Variants in DNAH14 observed in about 807,000 individuals in gnomAD.
DNAH14 encodes axonemal beta dynein heavy chain 14.
Under a neutral mutation model 520.9 loss-of-function variants are expected in DNAH14, and 478 were observed. The ratio of observed to expected loss-of-function variants is 0.92; its 90% CI spans 0.85 to 0.99. DNAH14 has a LOEUF of 0.99. DNAH14 is among the 50% of genes least tolerant of loss of function. The pLI is 0.00. For missense variants in DNAH14, 4,831 were observed against 5,234.5 expected (o/e 0.92, Z 2.38); for synonymous variants, 1,581 against 1,757.2 (o/e 0.90, Z 2.51).
chr1:225,262,746 G>A (rs2092977213), intron 46 of DNAH14, among the ~76,000 whole-genome samples: 1 of 151,958 alleles, frequency 6.6e-6, no homozygotes, highest in Non-Finnish European at 1.5e-5. Flanking sequence ...GATTACTATA[G>A]CCTTGTATTA....
chr1:225,082,409 C>T, intron 19 of DNAH14, 140 bp from the exon 20 acceptor site: 1 of 606,338 alleles, frequency 1.6e-6, no homozygotes, highest in Non-Finnish European at 2.7e-6. Context: ...CTCACTGCTT[C>T]ATGTTATTTT....
At chr1:225,365,719 A>G (rs1421873789) in intron 76 of DNAH14, among the ~76,000 whole-genome samples, 3 of 151,784 alleles carry the variant, frequency 2.0e-5, no homozygotes, top group Admixed American at 6.6e-5. Flanking sequence ...TGTCTCCCAG[A>G]GAGCAGCAGA....
intron 21 of DNAH14, among the ~76,000 whole-genome samples, 178 bp from the exon 22 acceptor site, chr1:225,096,940 T>C (rs2075034125): frequency 6.6e-6 from 1 of 152,194 alleles, no homozygotes; most frequent in African/African-American, 2.4e-5. Context: ...ACAGGACATC[T>C]TAAACCTCTC....
At position 225,153,897 on chromosome 1, in the gene DNAH14, G is replaced by A. The variant is rs568078843; in HGVS notation, c.5273+71G>A. ...CTGGGAAAATAATTTGTAGAATTAC[G>A]GGTGATGATGCCAAGTTAAAACAGG... On this transcript the variant is annotated intron_variant, in intron 34 of 85. Coordinates refer to ENST00000682510, the MANE Select transcript of DNAH14 (RefSeq NM_001367479.1). 44 of 1,182,778 alleles carry A rather than the reference G, an allele frequency of 3.7e-5. No individual in the cohort carries two copies. In the East Asian group the frequency reaches 6.1e-4, roughly 16 times the overall value. 73.3% of individuals were successfully genotyped at this position (1,182,778 alleles called of 1,614,324 possible).
At chr1:225,103,980 G>A (rs571507693) in intron 23 of DNAH14, among the ~76,000 whole-genome samples, 7 of 149,360 alleles carry the variant, frequency 4.7e-5, no homozygotes, top group Non-Finnish European at 4.4e-5. Flanking sequence ...GTTTTCAAAG[G>A]GAATGCTTCC....
At chr1:225,042,731 C>T in intron 12 of DNAH14, 104 bp from the exon 13 acceptor site, 2 of 1,234,484 alleles carry the variant, frequency 1.6e-6, no homozygotes, top group Non-Finnish European at 1.1e-6. Flanking sequence ...CTCGGTTATA[C>T]TGGAGTTATG....
At chr1:225,212,668 A>AT in intron 41 of DNAH14, among the ~76,000 whole-genome samples, 1 of 152,044 alleles carries the variant, frequency 6.6e-6, no homozygotes, top group Admixed American at 6.5e-5. Flanking sequence ...GATGATGAGC[A>AT]TTTTTTCATG....
intron 21 of DNAH14, among the ~76,000 whole-genome samples, chr1:225,096,795 C>T (rs1304290986): frequency 6.6e-6 from 1 of 152,006 alleles, no homozygotes; most frequent in Non-Finnish European, 1.5e-5. Flanking sequence ...GTTATGTTTC[C>T]TCTGTGATAA....
chr1:225,180,262 C>G (rs186027255), intron 36 of DNAH14, among the ~76,000 whole-genome samples: 2,323 of 152,294 alleles, frequency 0.015, 47 homozygotes, highest in East Asian at 0.053. Context: ...TCTTTTGATG[C>G]TGTTCCACAG....
chr1:224,955,232 T>G (rs1427956236), intron 3 of DNAH14, 134 bp downstream of exon 3: 1 of 933,962 alleles, frequency 1.1e-6, no homozygotes, highest in Non-Finnish European at 1.6e-6. Flanking sequence ...TTTACTAACT[T>G]CATTAGTTAT....
intron 23 of DNAH14, 34 bp from the exon 24 acceptor site, chr1:225,117,650 T>C (rs2076967485): frequency 1.6e-6 from 2 of 1,273,972 alleles, no homozygotes; most frequent in Non-Finnish European, 1.1e-6. Flanking sequence ...ATTAAGCATA[T>C]ATTCTGAATT....
At chr1:224,980,853 T>C (rs1440696719) in intron 8 of DNAH14, among the ~76,000 whole-genome samples, 1 of 152,176 alleles carries the variant, frequency 6.6e-6, no homozygotes, top group Admixed American at 6.5e-5. Flanking sequence ...TGTGGGGGGC[T>C]ATGGGAGGGA....
At chr1:225,388,603 T>C (rs2095868267) in intron 82 of DNAH14, 112 bp downstream of exon 82, 4 of 604,998 alleles carry the variant, frequency 6.6e-6, no homozygotes, top group Non-Finnish European at 1.1e-5. Context: ...AATGTGTGAA[T>C]TAAGCAAGGG....
chr1:225,308,489 A>AC, intron 60 of DNAH14, 79 bp downstream of exon 60: 1 of 1,398,482 alleles, frequency 7.2e-7, no homozygotes, highest in Non-Finnish European at 9.5e-7. Flanking sequence ...TAAAAGTCAG[A>AC]CTGACTAGTC....
At chr1:225,019,468 T>C (rs914604845) in intron 10 of DNAH14, among the ~76,000 whole-genome samples, 2 of 152,160 alleles carry the variant, frequency 1.3e-5, no homozygotes, top group African/African-American at 4.8e-5. Context: ...CACGCAATAA[T>C]AGTGGTGGAC....
chr1:224,967,696 G>T, intron 6 of DNAH14, 113 bp downstream of exon 6: 1 of 1,597,948 alleles, frequency 6.3e-7, no homozygotes, highest in Non-Finnish European at 8.5e-7. Flanking sequence ...TTGGTCATTT[G>T]TGGAGCAGTT....
At chr1:225,220,394 T>G (rs925697011) in intron 41 of DNAH14, among the ~76,000 whole-genome samples, 1 of 152,220 alleles carries the variant, frequency 6.6e-6, no homozygotes, top group Non-Finnish European at 1.5e-5. Context: ...GACATGATTG[T>G]ACATTTAGAA....
At chr1:225,389,695 A>C in intron 82 of DNAH14, 39 bp from the exon 83 acceptor site, 1 of 1,547,044 alleles carries the variant, frequency 6.5e-7, no homozygotes, top group East Asian at 2.4e-5. Flanking sequence ...TGCAATTATT[A>C]TGCCCTTAAC....
intron 43 of DNAH14, among the ~76,000 whole-genome samples, chr1:225,243,581 C>T (rs898184372): frequency 6.6e-6 from 1 of 151,880 alleles, no homozygotes; most frequent in African/African-American, 2.4e-5. Context: ...GAATGGCATC[C>T]ATTTTTAATA....
Sources: allele counts gnomAD v4.1 joint callset (sites outside exome capture counted in the v4.1 genomes callset), GRCh38; gene constraint gnomAD v4.1.1; transcripts MANE v1.5; gene names NCBI Gene and HGNC (gene_info 2026-07-23, HGNC 2026-07-21).